GPATCH2L: variants seen among roughly 807,000 people sequenced by gnomAD.
GPATCH2L encodes the protein G-patch domain containing 2 like, also known as G patch domain-containing protein 2-like.
A neutral mutation model predicts 57.4 loss-of-function variants in GPATCH2L; 31 were observed. The ratio of observed to expected loss-of-function variants is 0.54; its 90% confidence interval spans 0.41 to 0.73. GPATCH2L has a LOEUF of 0.73. Among genes scored for constraint, GPATCH2L ranks in the 30% least tolerant of loss-of-function variants. The pLI is 0.00. For missense variants in GPATCH2L, 481 were observed against 599.9 expected (o/e 0.80, Z 2.07); for synonymous variants, 199 against 210.7 (o/e 0.94, Z 0.48).
chr14:76,154,231 G>A lies in GPATCH2L; in HGVS notation c.-10-123G>A. The A allele has an allele frequency of 1.3e-6, 1 of 763,024 alleles. No homozygotes were observed. 47.3% of individuals were successfully genotyped at this position (763,024 alleles called of 1,614,324 possible). The stretch of plus-strand genomic sequence containing the variant: ...AAGGTGACTTATTTTGTTTAGACAG[G>A]CAGAACTGTGGACTACCATGATCTG... On this transcript the variant is annotated intron_variant, in intron 1 of 9. Coordinates refer to ENST00000261530, the MANE Select transcript of GPATCH2L (RefSeq NM_017926.4). The surrounding 1 kb of genome is among the most constrained non-coding windows in gnomAD (Gnocchi z 4.4).
intron 1 of GPATCH2L, among the ~76,000 whole-genome samples, chr14:76,224,067 G>A (rs1486402031): frequency 6.6e-6 from 1 of 152,212 alleles, no homozygotes; most frequent in Non-Finnish European, 1.5e-5. Context: ...TGAAAAGACT[G>A]AAGTACTGAT....
chr14:76,226,411 G>T (rs1451853557), intron 1 of GPATCH2L, among the ~76,000 whole-genome samples: 3 of 152,200 alleles, frequency 2.0e-5, no homozygotes, highest in Non-Finnish European at 4.4e-5. Flanking sequence ...GAACTTTGCT[G>T]TTACAAATCA....
chr14:76,177,622 TCA>T (rs1472794011), intron 6 of GPATCH2L, among the ~76,000 whole-genome samples: 1 of 151,974 alleles, frequency 6.6e-6, no homozygotes, highest in Non-Finnish European at 1.5e-5. Flanking sequence ...ATCATTGGTG[TCA>T]CAGTGTAATC....
At chr14:76,191,410 G>A (rs1462228806) in intron 8 of GPATCH2L, among the ~76,000 whole-genome samples, 2 of 152,002 alleles carry the variant, frequency 1.3e-5, no homozygotes, top group African/African-American at 4.8e-5. Flanking sequence ...ATAGGAAGCC[G>A]AAGCTGTAGC....
chr14:76,163,622 A>G (rs182272428), intron 2 of GPATCH2L, among the ~76,000 whole-genome samples: 6 of 152,354 alleles, frequency 3.9e-5, no homozygotes, highest in Middle Eastern at 3.4e-3. Flanking sequence ...ATATTTAGAC[A>G]CAGACTTGGT....
At chr14:76,152,522 T>C in intron 1 of GPATCH2L, 1 of 382,330 alleles carries the variant, frequency 2.6e-6, no homozygotes, top group East Asian at 7.3e-5. Flanking sequence ...CTCTTCTTAC[T>C]TGCTGTCCAC....
intron 1 of GPATCH2L, among the ~76,000 whole-genome samples, chr14:76,227,239 C>T (rs1201126538): frequency 6.6e-6 from 1 of 152,220 alleles, no homozygotes; most frequent in African/African-American, 2.4e-5. Flanking sequence ...GGGATTCTGA[C>T]CCTGAGTCTT....
intron 2 of GPATCH2L, among the ~76,000 whole-genome samples, chr14:76,158,646 G>A (rs796449995): frequency 4.1e-4 from 63 of 152,302 alleles, no homozygotes; most frequent in African/African-American, 1.4e-3. Flanking sequence ...GGGTTTCCTG[G>A]AGCTGTGTAA....
intron 2 of GPATCH2L, among the ~76,000 whole-genome samples, chr14:76,163,033 A>G (rs771929121): frequency 7.9e-5 from 12 of 152,330 alleles, no homozygotes; most frequent in Admixed American, 2.6e-4. Context: ...TGAAATTCAA[A>G]GGTATCTTCT....
intron 1 of GPATCH2L, among the ~76,000 whole-genome samples, chr14:76,221,721 C>T (rs970704944): frequency 6.6e-6 from 1 of 152,056 alleles, no homozygotes; most frequent in Non-Finnish European, 1.5e-5. Flanking sequence ...GTGAAAGAAG[C>T]CAATCTGAAA....
Position 76,206,909 on chromosome 14 carries a change from CTT to C in GPATCH2L, c.*5060_*5061del, listed in dbSNP as rs1439861292. 1 of 151,542 alleles carries C rather than the reference CTT, an allele frequency of 6.6e-6. No homozygotes were observed. The highest frequency in any genetic ancestry group is 2.4e-5 in the African/African-American group (1 of 41,140). 9.4% of individuals were successfully genotyped at this position (151,542 alleles called of 1,614,324 possible). ...AATTCTTTGCAGAAACTGTTAATGT[CTT>C]TATTTCTCATATTTTTTTTTTCCCC... On this transcript the variant is annotated 3_prime_UTR_variant, in exon 10 of 10. Coordinates refer to ENST00000261530, the MANE Select transcript of GPATCH2L (RefSeq NM_017926.4).
chr14:76,179,910 C>G (rs1304866823), intron 7 of GPATCH2L: 3 of 151,888 alleles, frequency 2.0e-5, no homozygotes, highest in Non-Finnish European at 4.4e-5. Flanking sequence ...GCAGGCCTGG[C>G]ACAGTGGCTC....
intron 9 of GPATCH2L, chr14:76,196,485 C>G (rs1172730063): frequency 1.2e-5 from 2 of 167,902 alleles, no homozygotes; most frequent in African/African-American, 2.7e-5. Context: ...TTGGTAGAAG[C>G]CAAAATAGTG....
At chr14:76,225,228 A>G (rs1254558211) in intron 1 of GPATCH2L, among the ~76,000 whole-genome samples, 1 of 152,230 alleles carries the variant, frequency 6.6e-6, no homozygotes, top group Non-Finnish European at 1.5e-5. Flanking sequence ...ATAAAGTTAC[A>G]GTAATTAATA....
intron 1 of GPATCH2L, among the ~76,000 whole-genome samples, chr14:76,228,790 G>T (rs895275081): frequency 2.6e-5 from 4 of 152,150 alleles, no homozygotes; most frequent in African/African-American, 9.7e-5. Flanking sequence ...GTGGCCTGTG[G>T]GTTGGAGCTC....
At chr14:76,163,343 CATT>C (rs1239256492) in intron 2 of GPATCH2L, among the ~76,000 whole-genome samples, 3 of 152,124 alleles carry the variant, frequency 2.0e-5, no homozygotes, top group African/African-American at 7.2e-5. Context: ...TTTTTGGTAT[CATT>C]AATAATAGCC....
At chr14:76,232,920 G>C (rs961970139) in intron 2 of GPATCH2L, among the ~76,000 whole-genome samples, 1 of 152,146 alleles carries the variant, frequency 6.6e-6, no homozygotes, top group African/African-American at 2.4e-5. Context: ...AGGTAAAATG[G>C]ATACTGCATG....
intron 6 of GPATCH2L, 145 bp from the exon 7 acceptor site, chr14:76,177,843 A>T: frequency 8.4e-7 from 1 of 1,191,082 alleles, no homozygotes; most frequent in Non-Finnish European, 1.2e-6. Flanking sequence ...TAATTTTCCT[A>T]TCACTTCTTT....
intron 1 of GPATCH2L, among the ~76,000 whole-genome samples, chr14:76,225,086 C>G (rs189225647): frequency 6.6e-6 from 1 of 152,058 alleles, no homozygotes; most frequent in Non-Finnish European, 1.5e-5. Flanking sequence ...CAATTCCAGT[C>G]AAAATCACAG....
Sources: allele counts gnomAD v4.1 joint callset (sites outside exome capture counted in the v4.1 genomes callset), GRCh38; gene constraint gnomAD v4.1.1; non-coding constraint Gnocchi (gnomAD v3.1); transcripts MANE v1.5; gene names NCBI Gene and HGNC (gene_info 2026-07-23, HGNC 2026-07-21).